CWC27: variants seen among roughly 807,000 people sequenced by gnomAD.
The protein encoded by CWC27 is CWC27 spliceosome associated cyclophilin.
CWC27 carries 47 observed loss-of-function variants against 63.6 expected under a neutral mutation model. That is an observed-to-expected ratio of 0.74 (90% CI 0.58 to 0.94). The LOEUF is 0.94. Ranked by LOEUF, CWC27 falls within the 40% of genes least tolerant of loss-of-function variation. The probability of loss-of-function intolerance (pLI) is 0.00; values close to 1 mark genes in which losing one functional copy is unlikely to be tolerated. For synonymous variants in CWC27, 175 were observed against 179.8 expected, an observed-to-expected ratio of 0.97 and a Z score of 0.22; for missense variants, 495 against 554.3, an observed-to-expected ratio of 0.89 and a Z score of 1.07.
intron 7 of CWC27, among the ~76,000 whole-genome samples, chr5:64,789,923 A>G (rs1744015871): frequency 6.6e-6 from 1 of 152,170 alleles, no homozygotes; most frequent in South Asian, 2.1e-4. Context: ...TCTAACAATA[A>G]CATTGAATTA....
intron 10 of CWC27, among the ~76,000 whole-genome samples, chr5:64,856,355 G>C (rs931987091): frequency 6.6e-6 from 1 of 151,882 alleles, no homozygotes. Flanking sequence ...CTGTAAAACT[G>C]ATGGAGTCAG....
chr5:64,900,918 A>T (rs1451589378), intron 11 of CWC27, among the ~76,000 whole-genome samples: 4 of 152,174 alleles, frequency 2.6e-5, no homozygotes, highest in Non-Finnish European at 5.9e-5. Flanking sequence ...CCAGTGGGCC[A>T]CATGTGGCCC....
intron 11 of CWC27, among the ~76,000 whole-genome samples, chr5:64,952,476 G>A (rs1561168619): frequency 3.3e-5 from 5 of 151,900 alleles, no homozygotes; most frequent in South Asian, 4.1e-4. Flanking sequence ...GTGAATGAAG[G>A]TGTTCTAGAT....
chr5:65,016,248 G>T (rs182907362), intron 13 of CWC27, among the ~76,000 whole-genome samples: 12 of 152,244 alleles, frequency 7.9e-5, no homozygotes, highest in Admixed American at 6.5e-4. Flanking sequence ...GTCTACTAAA[G>T]GAATGGAAGT....
chr5:64,944,671 T>C (rs1202465076), intron 11 of CWC27, among the ~76,000 whole-genome samples: 2 of 151,826 alleles, frequency 1.3e-5, no homozygotes. Flanking sequence ...CCCCATCAAA[T>C]TGATCAGCAA....
At chr5:64,861,633 T>G (rs1349904026) in intron 10 of CWC27, among the ~76,000 whole-genome samples, 2 of 152,204 alleles carry the variant, frequency 1.3e-5, no homozygotes, top group Non-Finnish European at 2.9e-5. Context: ...ATTGTTACAT[T>G]TTGCCACATT....
chr5:64,846,568 T>G (rs563183896), intron 10 of CWC27, among the ~76,000 whole-genome samples: 1 of 152,184 alleles, frequency 6.6e-6, no homozygotes, highest in South Asian at 2.1e-4. Flanking sequence ...CAAAAATCTT[T>G]AGTGGAAATA....
At chr5:64,888,503 A>G (rs986920001) in intron 11 of CWC27, among the ~76,000 whole-genome samples, 2 of 139,748 alleles carry the variant, frequency 1.4e-5, no homozygotes, top group Admixed American at 7.0e-5. Context: ...AAATATACAA[A>G]TAGCATATAT....
Position 64,870,501 on chromosome 5 carries a change from A to G in CWC27, c.939-14942A>G, listed in dbSNP as rs920135302. Among the ~76,000 whole-genome samples the G allele has an allele frequency of 9.2e-5, 14 of 151,622 alleles. No homozygotes were observed. In the East Asian group the frequency reaches 2.5e-3, roughly 27 times the overall value. ...ATTGGTTAAAAAAAAAAAAAAAAAT[A>G]CATGATCCATTAAGTGTCTTGAACA... On this transcript the variant is annotated intron_variant, in intron 10 of 13. Coordinates refer to ENST00000381070, the MANE Select transcript of CWC27 (RefSeq NM_005869.4).
chr5:64,849,887 T>C (rs973477798), intron 10 of CWC27, among the ~76,000 whole-genome samples: 1 of 152,112 alleles, frequency 6.6e-6, no homozygotes, highest in Non-Finnish European at 1.5e-5. Flanking sequence ...CCTGAGGCCT[T>C]CCCAGCCATC....
In CWC27 at chr5:64,978,907, G is replaced by T. The variant is rs60651884; in HGVS notation, c.1256+1669G>T. Among the ~76,000 whole-genome samples the T allele has an allele frequency of 5.3e-5, 8 of 152,024 alleles. 1 individual carries two copies. The East Asian group carries it at 1.5e-3, about 29-fold the overall frequency. ...AAGTCACCAACAAATTCAAACCCCA[G>T]AAGTTTTATTTGAAGCTCATAACCC... On this transcript the variant is annotated intron_variant, in intron 13 of 13. Coordinates refer to ENST00000381070, the MANE Select transcript of CWC27 (RefSeq NM_005869.4).
At chr5:64,867,094 A>G (rs1746548029) in intron 10 of CWC27, among the ~76,000 whole-genome samples, 1 of 152,096 alleles carries the variant, frequency 6.6e-6, no homozygotes, top group Non-Finnish European at 1.5e-5. Context: ...TTCAAAAGAA[A>G]AGAGAATCAA....
At chr5:64,916,879 G>GTAGTAT (rs201153005) in intron 11 of CWC27, among the ~76,000 whole-genome samples, 1,674 of 136,564 alleles carry the variant, frequency 0.012, 29 homozygotes, top group African/African-American at 0.043. Flanking sequence ...GGTGGCAGTA[G>GTAGTAT]TAGTATTAGT....
intron 6 of CWC27, among the ~76,000 whole-genome samples, 163 bp from the exon 7 acceptor site, chr5:64,788,788 G>A (rs969532678): frequency 5.3e-5 from 8 of 151,982 alleles, no homozygotes; most frequent in East Asian, 1.9e-4. Context: ...AATACAGATC[G>A]TTAGAATACT....
intron 7 of CWC27, among the ~76,000 whole-genome samples, chr5:64,790,789 T>G (rs1036227606): frequency 3.9e-5 from 6 of 152,208 alleles, no homozygotes; most frequent in Non-Finnish European, 7.3e-5. Context: ...ATCTGCTAAC[T>G]ATACTATTTA....
At chr5:65,006,196 G>C (rs552688643) in intron 13 of CWC27, among the ~76,000 whole-genome samples, 5 of 152,272 alleles carry the variant, frequency 3.3e-5, no homozygotes, top group African/African-American at 1.2e-4. Flanking sequence ...AAAAGTATTA[G>C]TCATATTTAG....
chr5:64,794,576 C>T (rs1390850850), intron 7 of CWC27, among the ~76,000 whole-genome samples: 1 of 151,880 alleles, frequency 6.6e-6, no homozygotes, highest in Non-Finnish European at 1.5e-5. Flanking sequence ...TAGATGCATC[C>T]AGAGGAAGGG....
chr5:64,808,030 C>G (rs1449935340), intron 10 of CWC27: 1 of 1,356,500 alleles, frequency 7.4e-7, no homozygotes, highest in East Asian at 3.0e-5. Context: ...TCTTCCTGCT[C>G]TGGAGATTTT....
chr5:64,820,262 G>A (rs371818703), intron 10 of CWC27, among the ~76,000 whole-genome samples: 1 of 152,126 alleles, frequency 6.6e-6, no homozygotes, highest in Admixed American at 6.6e-5. Context: ...ATGCCAAAGG[G>A]CACACTTCAT....
Sources: allele counts gnomAD v4.1 joint callset (sites outside exome capture counted in the v4.1 genomes callset), GRCh38; gene constraint gnomAD v4.1.1; transcripts MANE v1.5; gene names NCBI Gene and HGNC (gene_info 2026-07-23, HGNC 2026-07-21).